CFAP58: variants seen among roughly 807,000 people sequenced by gnomAD.
The protein encoded by CFAP58 is cilia- and flagella-associated protein 58.
CFAP58 carries 88 observed loss-of-function variants against 119.5 expected under a neutral mutation model. The ratio of observed to expected loss-of-function variants is 0.74; its 90% CI spans 0.62 to 0.88. The LOEUF is 0.88. Ranked by LOEUF, CFAP58 falls within the 40% of genes least tolerant of loss-of-function variation. The pLI is 0.00. For missense variants in CFAP58, 990 were observed against 1,021.2 expected, an observed-to-expected ratio of 0.97 and a Z score of 0.42; for synonymous variants, 365 against 366.3, an observed-to-expected ratio of 1.00 and a Z score of 0.04.
At chr10:104,446,347 C>G (rs180846123) in intron 15 of CFAP58, among the ~76,000 whole-genome samples, 124 of 152,126 alleles carry the variant, frequency 8.2e-4, no homozygotes, top group Non-Finnish European at 1.5e-3. Flanking sequence ...TGTGTTTTTC[C>G]CAGAGCTTAT....
At chr10:104,357,855 A>AGG (rs1564875605) in intron 1 of CFAP58, among the ~76,000 whole-genome samples, 1 of 46,726 alleles carries the variant, frequency 2.1e-5, no homozygotes, top group African/African-American at 9.4e-5. Context: ...GTACACATAT[A>AGG]TACACATATA....
chr10:104,428,510 C>T (rs1043726903), intron 15 of CFAP58, among the ~76,000 whole-genome samples: 1 of 152,192 alleles, frequency 6.6e-6, no homozygotes, highest in African/African-American at 2.4e-5. Flanking sequence ...ACCTCTGTTC[C>T]TTTTTGTCTC....
At chr10:104,418,267 GGCTGGGT>G (rs1435998684) in intron 15 of CFAP58, among the ~76,000 whole-genome samples, 1 of 152,204 alleles carries the variant, frequency 6.6e-6, no homozygotes, top group Non-Finnish European at 1.5e-5. Flanking sequence ...AGTCATTGGA[GGCTGGGT>G]GCGGTGGCTC....
intron 15 of CFAP58, among the ~76,000 whole-genome samples, chr10:104,422,528 G>A (rs1299370866): frequency 1.3e-5 from 2 of 152,238 alleles, no homozygotes; most frequent in African/African-American, 2.4e-5. Context: ...TTGTTTTTCT[G>A]TTGGGTTCTC....
upstream of CFAP58, among the ~76,000 whole-genome samples, chr10:104,350,590 G>A (rs6584596): frequency 6.6e-6 from 1 of 152,012 alleles, no homozygotes; most frequent in South Asian, 2.1e-4. Flanking sequence ...TGATTGCTCA[G>A]TCATATTTGG....
intron 15 of CFAP58, among the ~76,000 whole-genome samples, chr10:104,440,902 C>T (rs2013026538): frequency 6.6e-6 from 1 of 152,148 alleles, no homozygotes; most frequent in Non-Finnish European, 1.5e-5. Context: ...ATGCATAGTA[C>T]TCCTAGCACC....
intron 15 of CFAP58, among the ~76,000 whole-genome samples, chr10:104,436,946 A>G (rs987690973): frequency 2.6e-5 from 4 of 152,122 alleles, no homozygotes; most frequent in Admixed American, 6.5e-5. Flanking sequence ...CTTTGATTGT[A>G]TTGTTCTCTT....
At position 104,400,887 on chromosome 10, in the gene CFAP58, A is replaced by G. The variant is rs894011174; in HGVS notation, c.2023A>G (p.Asn675Asp). The change falls in exon 13 of 18, where the codon AAT (asparagine) becomes GAT (aspartate). Residue 675 changes from asparagine (N) to aspartate (D), a missense_variant. Asn to Asp is a conservative substitution (Grantham distance 23). Coordinates refer to ENST00000369704, the MANE Select transcript of CFAP58 (RefSeq NM_001008723.2). ...EKGILARSMANVEELRQEFFH... is the reference protein window; with the variant it reads ...EKGILARSMADVEELRQEFFH... ...GGGGATTCTTGCCAGGAGTATGGCT[A>G]ATGTTGAAGAACTCAGGTAATAGAT... The G allele has an allele frequency of 2.5e-6, 4 of 1,613,732 alleles. No homozygotes were observed. Among genetic ancestry groups the G allele is most frequent in the Non-Finnish European group, 3.4e-6 (4 of 1,179,766 alleles).
At chr10:104,404,826 T>C (rs1014206124) in intron 14 of CFAP58, among the ~76,000 whole-genome samples, 1 of 152,160 alleles carries the variant, frequency 6.6e-6, no homozygotes, top group South Asian at 2.1e-4. Context: ...CTCAATCTCC[T>C]GACCTCGTGA....
In CFAP58 at chr10:104,404,754, C is replaced by T. The variant is rs942400249; in HGVS notation, c.2151+914C>T. Among the ~76,000 whole-genome samples the T allele has an allele frequency of 8.5e-4, 129 of 152,232 alleles. 2 individuals are homozygous for T. Among genetic ancestry groups the T allele is most frequent in the Admixed American group, 9.8e-4 (15 of 15,302 alleles). ...CCTCCCAAGTAGCTGGGACTACAGG[C>T]GTCCACCACCATGCCCGGCTAATTT... On this transcript the variant is annotated intron_variant, in intron 14 of 17. Transcript: ENST00000369704.
intron 15 of CFAP58, among the ~76,000 whole-genome samples, chr10:104,440,083 A>G (rs537161670): frequency 6.8e-6 from 1 of 147,840 alleles, no homozygotes; most frequent in Non-Finnish European, 1.5e-5. Flanking sequence ...GGGCCTCCCA[A>G]AGTGCTGGGA....
At position 104,406,678 on chromosome 10, in the gene CFAP58, C is replaced by T. The variant is rs779396206; in HGVS notation, c.2152-11C>T. Reference sequence around the variant, plus strand: ...GATATCTCAGCTGCTATTGTTGTTCCCCTTGGACAGGCCAGCGACCCCAAT... The same window carrying T: ...GATATCTCAGCTGCTATTGTTGTTCTCCTTGGACAGGCCAGCGACCCCAAT... On this transcript the variant is annotated splice_polypyrimidine_tract_variant and intron_variant, in intron 14 of 17. Coordinates refer to ENST00000369704, the MANE Select transcript of CFAP58 (RefSeq NM_001008723.2). 14 of 1,612,196 alleles carry T rather than the reference C, an allele frequency of 8.7e-6. No homozygotes were observed. The South Asian group carries it at 1.4e-4, about 16-fold the overall frequency.
chr10:104,399,374 G>C lies in CFAP58; in HGVS notation c.1689G>C (p.Lys563Asn), dbSNP rs2012220675. The C allele has an allele frequency of 6.2e-7, 1 of 1,613,760 alleles. No homozygotes were observed. The highest frequency in any genetic ancestry group is 1.1e-5 in the South Asian group (1 of 91,056). The change falls in exon 12 of 18, where the codon AAG becomes AAC. Residue 563 changes from lysine (K) to asparagine (N), a missense_variant. Coordinates refer to ENST00000369704, the MANE Select transcript of CFAP58 (RefSeq NM_001008723.2). ...CTCTTTGTCAGGCTGAGCTGCAGAA[G>C]CTGAGACAACAAGCCCTGGAGACAA... ...EKETLKAELQKLRQQALETKH... is the reference protein window; with the variant it reads ...EKETLKAELQNLRQQALETKH...
chr10:104,412,479 AC>A (rs2012476573), intron 15 of CFAP58, among the ~76,000 whole-genome samples: 1 of 151,948 alleles, frequency 6.6e-6, no homozygotes, highest in African/African-American at 2.4e-5. Context: ...AGCTTGTATA[AC>A]CCCAGACAAC....
In CFAP58 at chr10:104,392,286, C is replaced by T; in HGVS notation, c.1419C>T (p.Tyr473=). ...IKVRETQIFD[Y]RKKIAESEIK... is the part of the protein sequence containing the mutation. ...TTCGTGAAACACAGATTTTTGACTA[C>T]AGGAAAAAAATAGCTGAATCAGAGA... The change falls in exon 10 of 18, where the codon TAC becomes TAT. Residue 473 remains tyrosine, a synonymous_variant. Coordinates refer to ENST00000369704, the MANE Select transcript of CFAP58 (RefSeq NM_001008723.2). 6.2e-7 allele frequency: 1 copy of T among 1,611,824 alleles called. No individual in the cohort carries two copies. Among genetic ancestry groups the T allele is most frequent in the Non-Finnish European group, 8.5e-7 (1 of 1,179,128 alleles).
chr10:104,357,597 T>C (rs2014559600), intron 1 of CFAP58, among the ~76,000 whole-genome samples: 1 of 152,164 alleles, frequency 6.6e-6, no homozygotes, highest in African/African-American at 2.4e-5. Context: ...CTTGAATCCC[T>C]ACTATTTGCC....
the CFAP58 span, among the ~76,000 whole-genome samples, chr10:104,345,627 A>G: frequency 6.6e-6 from 1 of 152,148 alleles, no homozygotes; most frequent in Admixed American, 6.5e-5. Context: ...GGGGAGACAT[A>G]GAAGTGAACA....
intron 1 of CFAP58, among the ~76,000 whole-genome samples, chr10:104,357,902 CA>C (rs2014586614): frequency 1.4e-5 from 1 of 71,546 alleles, no homozygotes. Context: ...CATATATGTA[CA>C]CATATACACA....
intron 7 of CFAP58, among the ~76,000 whole-genome samples, chr10:104,373,397 G>T (rs1175360858): frequency 6.6e-6 from 1 of 152,124 alleles, no homozygotes; most frequent in Non-Finnish European, 1.5e-5. Flanking sequence ...ACTTTGGGAG[G>T]CTGAGACAGA....
Sources: allele counts gnomAD v4.1 joint callset (sites outside exome capture counted in the v4.1 genomes callset), GRCh38; gene constraint gnomAD v4.1.1; transcripts MANE v1.5; gene names NCBI Gene and HGNC (gene_info 2026-07-23, HGNC 2026-07-21).